Variants in MAF observed in about 807,000 individuals in gnomAD.
MAF encodes MAF bZIP transcription factor.
A neutral mutation model predicts 22.0 loss-of-function variants in MAF; 10 were observed. That is an observed-to-expected ratio of 0.45 (90% CI 0.28 to 0.77). The LOEUF is 0.77. Among genes scored for constraint, MAF ranks in the 30% least tolerant of loss-of-function variants. MAF has a pLI of 0.12. For missense variants in MAF, 544 were observed against 548.4 expected (o/e 0.99, Z 0.08); for synonymous variants, 337 against 255.8 (o/e 1.32, Z -3.03).
At chr16:79,531,807 C>A in the MAF span, among the ~76,000 whole-genome samples, 1 of 152,126 alleles carries the variant, frequency 6.6e-6, no homozygotes, top group African/African-American at 2.4e-5. Flanking sequence ...TAAGAGGCCA[C>A]AGACTGGTAC....
the MAF span, among the ~76,000 whole-genome samples, chr16:79,578,951 G>A: frequency 6.6e-6 from 1 of 152,134 alleles, no homozygotes; most frequent in South Asian, 2.1e-4. Flanking sequence ...GCTAACAAGG[G>A]AGGGACCCTT....
chr16:79,302,894 G>T, the MAF span, among the ~76,000 whole-genome samples: 2 of 152,174 alleles, frequency 1.3e-5, no homozygotes, highest in African/African-American at 4.8e-5. Flanking sequence ...ATGTAACTGG[G>T]AACATAAGCT....
At chr16:79,355,880 C>T in the MAF span, among the ~76,000 whole-genome samples, 2 of 152,162 alleles carry the variant, frequency 1.3e-5, no homozygotes, top group African/African-American at 2.4e-5. Context: ...AGATGAGGCT[C>T]TTTCCAAATT....
the MAF span, among the ~76,000 whole-genome samples, chr16:79,403,573 G>A: frequency 2.0e-4 from 30 of 152,116 alleles, no homozygotes; most frequent in Non-Finnish European, 3.7e-4. Flanking sequence ...CCACTCTTTA[G>A]GTTTCAGCCC....
the MAF span, among the ~76,000 whole-genome samples, chr16:79,224,050 A>G: frequency 6.6e-6 from 1 of 152,170 alleles, no homozygotes; most frequent in African/African-American, 2.4e-5. Context: ...TGGCAGAGAC[A>G]CAACAAAAAA....
the MAF span, among the ~76,000 whole-genome samples, chr16:79,230,284 G>C: frequency 6.6e-6 from 1 of 152,090 alleles, no homozygotes; most frequent in Non-Finnish European, 1.5e-5. Context: ...CCCGGCTAAG[G>C]CAGGCTGCTT....
the MAF span, among the ~76,000 whole-genome samples, chr16:79,255,257 C>T: frequency 1.3e-5 from 2 of 152,234 alleles, no homozygotes; most frequent in Non-Finnish European, 2.9e-5. Context: ...TTTGCCTTTT[C>T]TGTGAAATCA....
At chr16:79,244,110 T>C in the MAF span, among the ~76,000 whole-genome samples, 1 of 152,038 alleles carries the variant, frequency 6.6e-6, no homozygotes, top group Admixed American at 6.6e-5. Flanking sequence ...GCCAGTATCA[T>C]ACTGAAGGGG....
the MAF span, among the ~76,000 whole-genome samples, chr16:79,501,208 G>A: frequency 6.6e-6 from 1 of 152,148 alleles, no homozygotes; most frequent in Non-Finnish European, 1.5e-5. Flanking sequence ...TTTGGGTTCT[G>A]TCTACAACAC....
the MAF span, among the ~76,000 whole-genome samples, chr16:79,392,930 C>A: frequency 8.6e-4 from 131 of 152,308 alleles, 3 homozygotes; most frequent in African/African-American, 3.0e-3. Flanking sequence ...ATGGAGACAC[C>A]CCAGTAATGG....
chr16:79,211,893 A>T, the MAF span: 97 of 1,566,492 alleles, frequency 6.2e-5, no homozygotes, highest in African/African-American at 1.2e-3. Flanking sequence ...CCTCCAACAC[A>T]GATCCGCAAG....
the MAF span, chr16:79,211,506 A>G: frequency 4.9e-5 from 72 of 1,477,076 alleles, no homozygotes; most frequent in Admixed American, 3.5e-4. Flanking sequence ...CTGAAACTGA[A>G]CCAGGTGGGG....
At chr16:79,595,625 T>G in intron 1 of MAF, 1 of 1,058,118 alleles carries the variant, frequency 9.5e-7, no homozygotes, top group Non-Finnish European at 1.1e-6. Flanking sequence ...TGAAGGTAGT[T>G]TTGAGTCTTT....
At chr16:79,347,858 C>G in the MAF span, among the ~76,000 whole-genome samples, 1 of 152,128 alleles carries the variant, frequency 6.6e-6, no homozygotes, top group Non-Finnish European at 1.5e-5. Context: ...CAGGCGAGAA[C>G]AGTGGGTCAA....
At chr16:79,365,934 T>C in the MAF span, among the ~76,000 whole-genome samples, 14 of 152,374 alleles carry the variant, frequency 9.2e-5, no homozygotes, top group African/African-American at 3.4e-4. Context: ...GTTTGGACTT[T>C]ATGACTCCTT....
the MAF span, among the ~76,000 whole-genome samples, chr16:79,298,422 A>G: frequency 6.6e-6 from 1 of 152,356 alleles, no homozygotes; most frequent in East Asian, 1.9e-4. Flanking sequence ...ATGCTGGGAT[A>G]CAGATCCTGC....
chr16:79,575,289 G>A, the MAF span, among the ~76,000 whole-genome samples: 2 of 152,094 alleles, frequency 1.3e-5, no homozygotes, highest in Non-Finnish European at 2.9e-5. Flanking sequence ...CAGAAAAGCA[G>A]GCAGCTGACC....
chr16:79,405,452 T>G, the MAF span, among the ~76,000 whole-genome samples: 47 of 152,312 alleles, frequency 3.1e-4, 1 homozygote, highest in African/African-American at 1.0e-3. Flanking sequence ...TAATTTACCA[T>G]CTGAGGTGAC....
the MAF span, among the ~76,000 whole-genome samples, chr16:79,476,185 G>A: frequency 6.6e-6 from 1 of 152,080 alleles, no homozygotes; most frequent in Non-Finnish European, 1.5e-5. Flanking sequence ...CAATAACCAC[G>A]TGAGCTTAGA....
Sources: gnomAD v4.1 joint callset for allele counts (sites outside exome capture counted in the v4.1 genomes callset) on GRCh38, gnomAD v4.1.1 for gene constraint, MANE v1.5 for transcripts, NCBI Gene and HGNC (gene_info 2026-07-23, HGNC 2026-07-21) for gene names.